CACHD1: variants seen among roughly 807,000 people sequenced by gnomAD.
The protein encoded by CACHD1 is VWFA and cache domain-containing protein 1.
Under a neutral mutation model 138.7 loss-of-function variants are expected in CACHD1, and 71 were observed. That is an observed-to-expected ratio of 0.51 (90% CI 0.42 to 0.62). The LOEUF (loss-of-function observed/expected upper bound fraction) is 0.62, where lower values mean the gene tolerates loss of function less well. Ranked by LOEUF, CACHD1 falls within the 20% of genes least tolerant of loss-of-function variation. The pLI, the probability that CACHD1 is intolerant of heterozygous loss-of-function variation, is 0.00. For synonymous variants in CACHD1, 578 were observed against 591.5 expected, an observed-to-expected ratio of 0.98 and a Z score of 0.33; for missense variants, 1,389 against 1,625.3, an observed-to-expected ratio of 0.85 and a Z score of 2.50.
intron 8 of CACHD1, among the ~76,000 whole-genome samples, chr1:64,642,351 A>T (rs189031965): frequency 2.5e-3 from 377 of 152,164 alleles, no homozygotes; most frequent in African/African-American, 8.5e-3. Context: ...CTTCTGCACA[A>T]CCCAATCTGT....
chr1:64,675,604 T>G lies in CACHD1; in HGVS notation c.2888+43T>G, dbSNP rs761379361. ...CATATTCTGTGTTCACCACACTGTT[T>G]AATATTTCAACTGATGTCAGGCATT... On this transcript the variant is annotated intron_variant, in intron 20 of 26. Coordinates refer to ENST00000651257, the MANE Select transcript of CACHD1 (RefSeq NM_020925.4). 4 of 1,560,762 alleles carry G rather than the reference T, an allele frequency of 2.6e-6. No homozygotes were observed. In the South Asian group the frequency reaches 4.6e-5, roughly 18 times the overall value.
At chr1:64,600,863 T>G (rs899471414) in intron 3 of CACHD1, among the ~76,000 whole-genome samples, 2 of 152,210 alleles carry the variant, frequency 1.3e-5, no homozygotes, top group African/African-American at 4.8e-5. Flanking sequence ...CAGGAGAACC[T>G]TCTAGCCTTC....
intron 9 of CACHD1, among the ~76,000 whole-genome samples, chr1:64,650,888 C>T (rs1033138294): frequency 3.3e-5 from 5 of 152,084 alleles, no homozygotes; most frequent in Non-Finnish European, 7.4e-5. Flanking sequence ...TCGTAAAGAT[C>T]ATTTTATCTC....
At position 64,604,804 on chromosome 1, in the gene CACHD1, C is replaced by A. The variant is rs1375147449; in HGVS notation, c.517+1892C>A. On this transcript the variant is annotated intron_variant, in intron 4 of 26. Transcript: ENST00000651257. ...AGTAGCTGGGATTATAGGTGCCCAC[C>A]ACCACACCCAGCTAATTTTTGTATT... Among the ~76,000 whole-genome samples, 5 of 151,816 alleles carry A rather than the reference C, an allele frequency of 3.3e-5. No individual in the cohort carries two copies. The East Asian group carries it at 9.7e-4, about 29-fold the overall frequency.
intron 3 of CACHD1, among the ~76,000 whole-genome samples, chr1:64,602,034 G>C (rs1193629114): frequency 6.6e-6 from 1 of 152,034 alleles, no homozygotes; most frequent in Non-Finnish European, 1.5e-5. Flanking sequence ...TCAGATTGTT[G>C]GTTGCTATAG....
At chr1:64,587,000 C>T (rs964126017) in intron 3 of CACHD1, among the ~76,000 whole-genome samples, 2 of 152,148 alleles carry the variant, frequency 1.3e-5, no homozygotes, top group Non-Finnish European at 2.9e-5. Context: ...ATTAATACTG[C>T]CTTTATAATA....
chr1:64,626,910 A>T (rs1648117784), intron 4 of CACHD1, among the ~76,000 whole-genome samples: 1 of 152,100 alleles, frequency 6.6e-6, no homozygotes, highest in Non-Finnish European at 1.5e-5. Context: ...AATCTCCCTC[A>T]ATTAGTCTTT....
Position 64,670,106 on chromosome 1 carries a change from T to C in CACHD1, c.2388-1458T>C, listed in dbSNP as rs76060598. ...TGCAGATCTAAGAAGGCAGTACAAC[T>C]TCATGGTATATGCTTTGGAGTTGAA... On this transcript the variant is annotated intron_variant, in intron 16 of 26. Coordinates refer to ENST00000651257, the MANE Select transcript of CACHD1 (RefSeq NM_020925.4). Among the ~76,000 whole-genome samples, 13 of 152,320 alleles carry C rather than the reference T, an allele frequency of 8.5e-5. No homozygotes were observed. In the South Asian group the frequency reaches 1.2e-3, roughly 15 times the overall value.
At chr1:64,588,205 C>G (rs1423636225) in intron 3 of CACHD1, among the ~76,000 whole-genome samples, 3 of 152,162 alleles carry the variant, frequency 2.0e-5, no homozygotes, top group Non-Finnish European at 4.4e-5. Context: ...AGAAAAATGT[C>G]TTATCCATGT....
At chr1:64,671,968 C>G (rs145840093) in intron 17 of CACHD1, among the ~76,000 whole-genome samples, 1 of 152,178 alleles carries the variant, frequency 6.6e-6, no homozygotes, top group Non-Finnish European at 1.5e-5. Flanking sequence ...TAATTAGAGG[C>G]TTCCCATATC....
At chr1:64,590,792 G>A (rs1202124679) in intron 3 of CACHD1, among the ~76,000 whole-genome samples, 1 of 152,172 alleles carries the variant, frequency 6.6e-6, no homozygotes, top group Non-Finnish European at 1.5e-5. Context: ...TGCAAAAGAA[G>A]TATCATAAGC....
intron 1 of CACHD1, among the ~76,000 whole-genome samples, chr1:64,495,250 A>G (rs1646299419): frequency 6.6e-6 from 1 of 152,174 alleles, no homozygotes; most frequent in South Asian, 2.1e-4. Context: ...ATGAAAATGC[A>G]AAGTATTATT....
intron 2 of CACHD1, among the ~76,000 whole-genome samples, chr1:64,565,459 C>T (rs1646874383): frequency 6.6e-6 from 1 of 152,136 alleles, no homozygotes; most frequent in Non-Finnish European, 1.5e-5. Flanking sequence ...CCAACCAGAG[C>T]CCTGGCAGGT....
chr1:64,645,494 G>C (rs895088373), intron 8 of CACHD1, among the ~76,000 whole-genome samples: 1 of 151,964 alleles, frequency 6.6e-6, no homozygotes, highest in Non-Finnish European at 1.5e-5. Context: ...ATTTAAAAAA[G>C]AGTTTATTGT....
intron 1 of CACHD1, among the ~76,000 whole-genome samples, chr1:64,477,971 T>C (rs1646185855): frequency 1.3e-5 from 2 of 152,202 alleles, no homozygotes; most frequent in Admixed American, 1.3e-4. Context: ...AAATATCACA[T>C]AATTTCATCT....
At chr1:64,498,381 A>T (rs1359519967) in intron 1 of CACHD1, among the ~76,000 whole-genome samples, 1 of 152,232 alleles carries the variant, frequency 6.6e-6, no homozygotes, top group Non-Finnish European at 1.5e-5. Context: ...TTTCTAAAAC[A>T]TTTAGTTTAA....
intron 6 of CACHD1, among the ~76,000 whole-genome samples, chr1:64,633,019 A>G (rs987355761): frequency 6.6e-6 from 1 of 152,212 alleles, no homozygotes; most frequent in African/African-American, 2.4e-5. Flanking sequence ...AGTGTTGGCT[A>G]TCTCGTAGAA....
intron 1 of CACHD1, among the ~76,000 whole-genome samples, chr1:64,521,546 T>C (rs1646498203): frequency 6.6e-6 from 1 of 152,230 alleles, no homozygotes. Context: ...ATATCATTAC[T>C]TGATTCTTAT....
intron 1 of CACHD1, among the ~76,000 whole-genome samples, chr1:64,545,026 C>T (rs1646708123): frequency 6.6e-6 from 1 of 151,986 alleles, no homozygotes; most frequent in Non-Finnish European, 1.5e-5. Context: ...TTAGCATAGC[C>T]CCAGTTTTAT....
Sources: gnomAD v4.1 joint callset for allele counts (sites outside exome capture counted in the v4.1 genomes callset) on GRCh38, gnomAD v4.1.1 for gene constraint, MANE v1.5 for transcripts, NCBI Gene and HGNC (gene_info 2026-07-23, HGNC 2026-07-21) for gene names.